The following WDR75 variants were observed in gnomAD, a reference collection of about 807,000 sequenced individuals.
The protein encoded by WDR75 is WD repeat-containing protein 75.
WDR75 carries 52 observed loss-of-function variants against 106.1 expected under a neutral mutation model. The ratio of observed to expected loss-of-function variants is 0.49; its 90% CI spans 0.39 to 0.62. The LOEUF (loss-of-function observed/expected upper bound fraction) is 0.62, where lower values mean the gene tolerates loss of function less well. Among genes scored for constraint, WDR75 ranks in the 20% least tolerant of loss-of-function variants. WDR75 has a pLI of 0.00. For missense variants in WDR75, 905 were observed against 970.3 expected (o/e 0.93, Z 0.89); for synonymous variants, 333 against 335.5 (o/e 0.99, Z 0.08).
At chr2:189,456,980 T>G (rs1349868839) in intron 5 of WDR75, among the ~76,000 whole-genome samples, 4 of 152,042 alleles carry the variant, frequency 2.6e-5, no homozygotes, top group Non-Finnish European at 1.5e-5. Flanking sequence ...AGTGGCTCAC[T>G]CCTGTAATCC....
chr2:189,469,260 C>G (rs1687068643), intron 15 of WDR75, 84 bp from the exon 16 acceptor site: 1 of 1,007,274 alleles, frequency 9.9e-7, no homozygotes, highest in Admixed American at 1.9e-5. Flanking sequence ...GCATAAGATT[C>G]CTCTTCCTAA....
intron 16 of WDR75, among the ~76,000 whole-genome samples, chr2:189,469,836 C>T (rs1488170312): frequency 6.6e-6 from 1 of 152,084 alleles, no homozygotes; most frequent in Non-Finnish European, 1.5e-5. Context: ...CTGCAGTGGG[C>T]CCTGGCCTCT....
intron 13 of WDR75, among the ~76,000 whole-genome samples, chr2:189,467,228 A>G (rs114599229): frequency 0.015 from 2,339 of 152,218 alleles, 24 homozygotes; most frequent in Non-Finnish European, 0.02. Context: ...AACTAATAAT[A>G]GAATGATTAC....
chr2:189,451,472 A>G (rs17271043), intron 3 of WDR75, among the ~76,000 whole-genome samples: 25,340 of 152,204 alleles, frequency 0.17, 2,243 homozygotes, highest in South Asian at 0.21. Context: ...CTGAAAATCA[A>G]TAAACACGTT....
chr2:189,462,149 T>TA (rs1686902848), intron 8 of WDR75, among the ~76,000 whole-genome samples: 1 of 151,754 alleles, frequency 6.6e-6, no homozygotes, highest in Admixed American at 6.6e-5. Context: ...CTTTTTTTTA[T>TA]ATATATATAA....
At chr2:189,450,484 C>A in intron 2 of WDR75, 1 of 858,660 alleles carries the variant, frequency 1.2e-6, no homozygotes, top group Non-Finnish European at 1.4e-6. Context: ...GGATGTGCCA[C>A]CACGCCTGGC....
chr2:189,474,467 C>T (rs946463141), intron 19 of WDR75, 135 bp downstream of exon 19: 13 of 1,095,056 alleles, frequency 1.2e-5, no homozygotes, highest in African/African-American at 3.2e-5. Context: ...AACAACAAAC[C>T]GAGTAACTTA....
Position 189,467,636 on chromosome 2 carries a change from C to T in WDR75, c.1616C>T (p.Ala539Val), listed in dbSNP as rs1250730001. Residue 539 changes from alanine (A) to valine (V), a missense_variant, in exon 14 of 21, where the codon GCT (alanine) becomes GTT (valine). Coordinates refer to ENST00000314761, the MANE Select transcript of WDR75 (RefSeq NM_032168.3). The part of the protein sequence containing the change: ...WELKCTFCQR[A>V]GKIRHLCFGR... ...CTTAAATGTACATTTTGCCAACGAG[C>T]TGGGAAAATAAGGTAGGTAAATCTT... is the stretch of plus-strand genomic sequence containing the variant. 2 of 1,595,590 alleles carry T rather than the reference C, an allele frequency of 1.3e-6. No homozygotes were observed. Among genetic ancestry groups the T allele is most frequent in the African/African-American group, 2.7e-5 (2 of 74,176 alleles).
In WDR75 at chr2:189,459,332, A is replaced by G. The variant is rs1306188955; in HGVS notation, c.690-4A>G. The G allele has an allele frequency of 5.6e-6, 9 of 1,603,674 alleles. No homozygotes were observed. Among genetic ancestry groups the G allele is most frequent in the Non-Finnish European group, 7.7e-6 (9 of 1,176,262 alleles). On this transcript the variant is annotated splice_region_variant and splice_polypyrimidine_tract_variant and intron_variant, in intron 7 of 20. Transcript: ENST00000314761. Reference sequence around the variant, plus strand: ...AAAATAAGAGTTTTATCTTTCTCCAATAGGAGGAATTTTTATGATGATAAG... The same window carrying G: ...AAAATAAGAGTTTTATCTTTCTCCAGTAGGAGGAATTTTTATGATGATAAG...
rs370883078 is a variant in WDR75 at position 189,462,777 on chromosome 2, T to C, written c.937+135T>C. 4.1e-5 allele frequency: 32 copies of C among 774,168 alleles called. No homozygotes were observed. In the East Asian group the frequency reaches 4.9e-4, roughly 12 times the overall value. The allele number at this position is 774,168 out of a possible 1,614,324, so 48.0% of individuals were successfully genotyped here. ...TTAATGAGCCTTCTTTTCCTTGCATTACTCCTCTCTTTTCCACCCCTCTCT... is the reference window on the plus strand; with the variant it reads ...TTAATGAGCCTTCTTTTCCTTGCATCACTCCTCTCTTTTCCACCCCTCTCT... On this transcript the variant is annotated intron_variant, in intron 9 of 20. Coordinates refer to ENST00000314761, the MANE Select transcript of WDR75 (RefSeq NM_032168.3).
chr2:189,443,248 ACATT>A (rs1574184359), intron 1 of WDR75, among the ~76,000 whole-genome samples: 1 of 152,342 alleles, frequency 6.6e-6, no homozygotes, highest in East Asian at 1.9e-4. Flanking sequence ...TGAGCAAATG[ACATT>A]TGTGCTAGGC....
At chr2:189,450,232 G>C in intron 2 of WDR75, 1 of 985,454 alleles carries the variant, frequency 1.0e-6, no homozygotes, top group African/African-American at 1.7e-5. Flanking sequence ...ATATTCTTCA[G>C]TCACTTGAGA....
intron 18 of WDR75, among the ~76,000 whole-genome samples, chr2:189,473,423 T>C (rs1687154416): frequency 6.6e-6 from 1 of 152,130 alleles, no homozygotes; most frequent in South Asian, 2.1e-4. Context: ...AGCTGTATCT[T>C]TAGGTCTTAC....
intron 4 of WDR75, among the ~76,000 whole-genome samples, chr2:189,454,272 A>G (rs1686687484): frequency 6.6e-6 from 1 of 152,210 alleles, no homozygotes; most frequent in South Asian, 2.1e-4. Flanking sequence ...TTTTACTCTG[A>G]GTAAAAAGAA....
Position 189,475,486 on chromosome 2 carries a change from A to G in WDR75, c.*69A>G. 1.1e-6 allele frequency: 1 copy of G among 932,114 alleles called. No homozygotes were observed. Among genetic ancestry groups the G allele is most frequent in the South Asian group, 2.0e-5 (1 of 48,940 alleles). 57.7% of individuals were successfully genotyped at this position (932,114 alleles called of 1,614,324 possible). Reference sequence around the variant, plus strand: ...GTATGTTGATATTCTAAAAACATCTATTTTAATGTTATTTCTGTTCTAAAA... The same window carrying G: ...GTATGTTGATATTCTAAAAACATCTGTTTTAATGTTATTTCTGTTCTAAAA... On this transcript the variant is annotated 3_prime_UTR_variant, in exon 21 of 21. Coordinates refer to ENST00000314761, the MANE Select transcript of WDR75 (RefSeq NM_032168.3).
chr2:189,464,360 G>A, intron 11 of WDR75: 1 of 179,254 alleles, frequency 5.6e-6, no homozygotes, highest in Non-Finnish European at 1.2e-5. Context: ...AGATTAAAGA[G>A]GAACACTTCT....
intron 5 of WDR75, 119 bp from the exon 6 acceptor site, chr2:189,457,192 G>T: frequency 1.5e-6 from 1 of 661,850 alleles, no homozygotes; most frequent in South Asian, 1.7e-5. Context: ...AGTGAGCCGA[G>T]ATCGCACCAT....
At chr2:189,460,243 G>C (rs1193210500) in intron 8 of WDR75, among the ~76,000 whole-genome samples, 1 of 152,154 alleles carries the variant, frequency 6.6e-6, no homozygotes, top group Non-Finnish European at 1.5e-5. Flanking sequence ...TCTTTCTGCA[G>C]GTCTTCCTGG....
At chr2:189,471,674 T>C (rs1687122710) in intron 18 of WDR75, among the ~76,000 whole-genome samples, 1 of 152,178 alleles carries the variant, frequency 6.6e-6, no homozygotes, top group Admixed American at 6.6e-5. Flanking sequence ...CTGTCTTCAG[T>C]CTGGACTGAT....
Sources: gnomAD v4.1 joint callset for allele counts (sites outside exome capture counted in the v4.1 genomes callset) on GRCh38, gnomAD v4.1.1 for gene constraint, MANE v1.5 for transcripts, NCBI Gene and HGNC (gene_info 2026-07-23, HGNC 2026-07-21) for gene names.